Variants in GHR observed in about 807,000 individuals in gnomAD.
GHR encodes GH receptor.
A neutral mutation model predicts 67.1 loss-of-function variants in GHR; 35 were observed. That is an observed-to-expected ratio of 0.52 (90% confidence interval 0.40 to 0.69). The LOEUF is 0.69. GHR is among the 30% of genes least tolerant of loss of function. GHR has a pLI of 0.00. For synonymous variants in GHR, 272 were observed against 269.1 expected, an observed-to-expected ratio of 1.01 and a Z score of -0.10; for missense variants, 792 against 764.6, an observed-to-expected ratio of 1.04 and a Z score of -0.42.
intron 1 of GHR, among the ~76,000 whole-genome samples, chr5:42,488,726 C>T (rs534801468): frequency 1.3e-5 from 2 of 152,284 alleles, no homozygotes; most frequent in South Asian, 2.1e-4. Context: ...ATAAATTGCT[C>T]AGTTAGGGAC....
At chr5:42,712,328 A>G (rs1292227864) in intron 7 of GHR, among the ~76,000 whole-genome samples, 1 of 152,000 alleles carries the variant, frequency 6.6e-6, no homozygotes, top group South Asian at 2.1e-4. Flanking sequence ...TCTGGCCTTA[A>G]AAGTACAATA....
intron 3 of GHR, among the ~76,000 whole-genome samples, chr5:42,638,471 G>A (rs190142130): frequency 1.3e-5 from 2 of 152,238 alleles, no homozygotes; most frequent in East Asian, 3.9e-4. Flanking sequence ...ACACAAACCT[G>A]GATGGTACAG....
intron 1 of GHR, among the ~76,000 whole-genome samples, chr5:42,505,122 G>GTTTTTTTTTTTTTT (rs35690685): frequency 4.4e-5 from 6 of 134,898 alleles, no homozygotes; most frequent in Admixed American, 1.5e-4. Flanking sequence ...GCTGTTGACT[G>GTTTTTTTTTTTTTT]TTTTTTTTTT....
intron 1 of GHR, among the ~76,000 whole-genome samples, chr5:42,545,823 A>G (rs529431413): frequency 6.6e-6 from 1 of 152,292 alleles, no homozygotes; most frequent in East Asian, 1.9e-4. Flanking sequence ...GTAAAATTTA[A>G]TAAGGCCCCT....
Position 42,686,355 on chromosome 5 carries a change from TGA to T in GHR, c.137-2534_137-2533del, listed in dbSNP as rs896484306. On this transcript the variant is annotated intron_variant, in intron 3 of 9. Transcript: ENST00000230882. ...TCTTTGTTACTGTAGCCTTGTAGTATGAAGTCAGAGACACAATAAAAAAAGAA... is the reference window on the plus strand; with the variant it reads ...TCTTTGTTACTGTAGCCTTGTAGTATAGTCAGAGACACAATAAAAAAAGAA... 7.9e-4 allele frequency among the ~76,000 whole-genome samples: 4 copies of T among 5,058 alleles called. No individual in the cohort carries two copies. In the Admixed American group the frequency reaches 0.012, roughly 16 times the overall value. The allele number at this position is 5,058 out of a possible 152,430, so 3.3% of individuals were successfully genotyped here.
chr5:42,686,305 C>G (rs1757137629), intron 3 of GHR, among the ~76,000 whole-genome samples: 1 of 151,770 alleles, frequency 6.6e-6, no homozygotes, highest in South Asian at 2.1e-4. Flanking sequence ...GTCTATATAT[C>G]TTATTTGGTA....
intron 2 of GHR, among the ~76,000 whole-genome samples, chr5:42,607,150 T>A (rs1752668463): frequency 6.6e-6 from 1 of 152,180 alleles, no homozygotes; most frequent in Non-Finnish European, 1.5e-5. Context: ...CCCCTTCACC[T>A]TCCACCATGA....
chr5:42,442,191 C>A (rs1743608385), intron 1 of GHR, among the ~76,000 whole-genome samples: 1 of 152,068 alleles, frequency 6.6e-6, no homozygotes, highest in South Asian at 2.1e-4. Flanking sequence ...GAAAGGGGAT[C>A]ATTTCAGATA....
chr5:42,621,173 G>C (rs1753426160), intron 2 of GHR, among the ~76,000 whole-genome samples: 1 of 151,990 alleles, frequency 6.6e-6, no homozygotes, highest in Admixed American at 6.6e-5. Flanking sequence ...AGGATGTTTT[G>C]CTGCTCTTGT....
chr5:42,527,416 A>G (rs989093316), intron 1 of GHR, among the ~76,000 whole-genome samples: 3 of 152,172 alleles, frequency 2.0e-5, no homozygotes, highest in Non-Finnish European at 2.9e-5. Flanking sequence ...TGCAATCCTA[A>G]TTTCAGACAA....
intron 2 of GHR, among the ~76,000 whole-genome samples, chr5:42,620,256 T>C (rs908981646): frequency 6.7e-6 from 1 of 149,062 alleles, no homozygotes; most frequent in South Asian, 2.1e-4. Flanking sequence ...AAATATATGG[T>C]AAATTCAAAG....
intron 6 of GHR, among the ~76,000 whole-genome samples, chr5:42,703,117 C>T (rs902428670): frequency 6.6e-6 from 1 of 151,918 alleles, no homozygotes; most frequent in African/African-American, 2.4e-5. Flanking sequence ...GAGTCATATC[C>T]AAAAAATCAT....
chr5:42,699,346 A>C (rs1236762164), intron 5 of GHR, among the ~76,000 whole-genome samples: 1 of 152,220 alleles, frequency 6.6e-6, no homozygotes, highest in African/African-American at 2.4e-5. Flanking sequence ...TCAGGGAACA[A>C]CACAGAAATG....
chr5:42,611,543 A>T (rs997982022), intron 2 of GHR, among the ~76,000 whole-genome samples: 3 of 152,108 alleles, frequency 2.0e-5, no homozygotes, highest in African/African-American at 7.2e-5. Flanking sequence ...ACTGTATGTT[A>T]GGGGACAAAA....
At chr5:42,686,179 C>T (rs1031502501) in intron 3 of GHR, among the ~76,000 whole-genome samples, 2 of 152,162 alleles carry the variant, frequency 1.3e-5, no homozygotes, top group East Asian at 3.9e-4. Context: ...GTTTTCCCAA[C>T]ACCATTTATT....
chr5:42,489,628 C>T (rs1432785452), intron 1 of GHR, among the ~76,000 whole-genome samples: 1 of 152,110 alleles, frequency 6.6e-6, no homozygotes, highest in Non-Finnish European at 1.5e-5. Context: ...CATTAATAGG[C>T]TCATCACTTT....
intron 1 of GHR, among the ~76,000 whole-genome samples, chr5:42,486,241 G>A (rs1745873669): frequency 6.6e-6 from 1 of 152,082 alleles, no homozygotes; most frequent in Non-Finnish European, 1.5e-5. Context: ...CCTTCTATGA[G>A]AATTCAGTCG....
intron 3 of GHR, among the ~76,000 whole-genome samples, chr5:42,677,080 A>T (rs994660846): frequency 1.3e-5 from 2 of 150,160 alleles, no homozygotes; most frequent in African/African-American, 2.4e-5. Context: ...AAGTAAAATT[A>T]AAAAAAAAAT....
rs1162843577 is a variant in GHR at position 42,629,007 on chromosome 5, G to A, written c.71-31G>A. 5 of 1,192,186 alleles carry A rather than the reference G, an allele frequency of 4.2e-6. No individual in the cohort carries two copies. The Admixed American group carries it at 9.0e-5, about 21-fold the overall frequency. The allele number at this position is 1,192,186 out of a possible 1,614,324, so 73.9% of individuals were successfully genotyped here. ...CATATCAGATTGTTTTGATGGGGAT[G>A]ACTAATGGTTTTCTTCTCTTTCTGT... is the stretch of plus-strand genomic sequence containing the variant. On this transcript the variant is annotated intron_variant, in intron 2 of 9. Transcript: ENST00000230882.
Sources: gnomAD v4.1 joint callset for allele counts (sites outside exome capture counted in the v4.1 genomes callset) on GRCh38, gnomAD v4.1.1 for gene constraint, MANE v1.5 for transcripts, NCBI Gene and HGNC (gene_info 2026-07-23, HGNC 2026-07-21) for gene names.